Variants in CFLAR observed in about 807,000 individuals in gnomAD.
CFLAR encodes the protein CASP8 and FADD-like apoptosis regulator.
A neutral mutation model predicts 51.1 loss-of-function variants in CFLAR; 14 were observed. That is an observed-to-expected ratio of 0.27 (90% CI 0.18 to 0.43). The LOEUF (loss-of-function observed/expected upper bound fraction) is 0.43, where lower values mean the gene tolerates loss of function less well. Ranked by LOEUF, CFLAR falls within the 20% of genes least tolerant of loss-of-function variation. The pLI is 1.00. For missense variants in CFLAR, 390 were observed against 566.5 expected, an observed-to-expected ratio of 0.69 and a Z score of 3.16; for synonymous variants, 210 against 211.6, an observed-to-expected ratio of 0.99 and a Z score of 0.06.
At position 201,172,575 on chromosome 2, in the gene CFLAR, C is replaced by T. The variant is rs1944083869; in HGVS notation, c.*8602C>T. 6.6e-6 allele frequency: 1 copy of T among 152,186 alleles called. No individual in the cohort carries two copies. Among genetic ancestry groups the T allele is most frequent in the Non-Finnish European group, 1.5e-5 (1 of 68,046 alleles). The allele number at this position is 152,186 out of a possible 1,614,324, so 9.4% of individuals were successfully genotyped here. A position where few individuals can be genotyped will look rare whatever the true frequency, so the allele number is the denominator to read the frequency against. On this transcript the variant is annotated 3_prime_UTR_variant, in exon 10 of 10. Coordinates refer to ENST00000309955, the MANE Select transcript of CFLAR (RefSeq NM_003879.7). ...CCAGTGAGCTGCCACTCTAATCCTC[C>T]TCTTCCCCCAGCCTCTAGAAACAAT... is the stretch of plus-strand genomic sequence containing the variant.
At chr2:201,145,657 C>T (rs1939987476) in intron 6 of CFLAR, 1 of 478,456 alleles carries the variant, frequency 2.1e-6, no homozygotes, top group Non-Finnish European at 3.7e-6. Context: ...GCTTCATCAT[C>T]TTGGCCGTAT....
In CFLAR at chr2:201,136,269, C is replaced by A. The variant is rs1192256608; in HGVS notation, c.523+162C>A. 3 of 1,600,896 alleles carry A rather than the reference C, an allele frequency of 1.9e-6. No individual in the cohort carries two copies. The South Asian group carries it at 3.3e-5, about 18-fold the overall frequency. ...GCTAGAAATCGCGTCCCTTTATATT[C>A]TTCATATCCCAGATCTGCCAACTCC... is the stretch of plus-strand genomic sequence containing the variant. On this transcript the variant is annotated intron_variant, in intron 4 of 9. Coordinates refer to ENST00000309955, the MANE Select transcript of CFLAR (RefSeq NM_003879.7).
intron 9 of CFLAR, 104 bp from the exon 10 acceptor site, chr2:201,163,731 C>T: frequency 6.6e-7 from 1 of 1,510,340 alleles, no homozygotes; most frequent in Non-Finnish European, 8.8e-7. Flanking sequence ...CAGAAAGGAA[C>T]AGTTTCAAAG....
At chr2:201,161,022 A>T (rs1199599068) in intron 9 of CFLAR, 80 bp downstream of exon 9, 1 of 974,966 alleles carries the variant, frequency 1.0e-6, no homozygotes. Flanking sequence ...ACTGTGCCAC[A>T]TTTGCTGCCC....
chr2:201,159,176 T>C (rs761715050), intron 8 of CFLAR, among the ~76,000 whole-genome samples: 44 of 151,150 alleles, frequency 2.9e-4, no homozygotes, highest in Non-Finnish European at 5.3e-4. Flanking sequence ...CTGGGGCTGG[T>C]TGCCCTCACT....
At chr2:201,126,901 A>G (rs2048767758) in intron 1 of CFLAR, among the ~76,000 whole-genome samples, 1 of 152,236 alleles carries the variant, frequency 6.6e-6, no homozygotes, top group African/African-American at 2.4e-5. Context: ...ATAATTGGCG[A>G]TAGTCTCTTG....
At chr2:201,143,181 A>G (rs1939343861) in intron 5 of CFLAR, among the ~76,000 whole-genome samples, 1 of 152,134 alleles carries the variant, frequency 6.6e-6, no homozygotes, top group Non-Finnish European at 1.5e-5. Context: ...AACTTTCTAT[A>G]TTTAATATGT....
chr2:201,145,813 G>C (rs1329554576), intron 6 of CFLAR: 1 of 171,796 alleles, frequency 5.8e-6, no homozygotes, highest in Non-Finnish European at 1.2e-5. Flanking sequence ...TTGTCTTACA[G>C]CCTATTTAAT....
rs1415636586 is a variant in CFLAR at position 201,176,288 on chromosome 2, GGGC to G, written c.*12318_*12320del. On this transcript the variant is annotated 3_prime_UTR_variant, in exon 10 of 10. Transcript: ENST00000309955. ...AGGTGTTTTCTATTGCGGGGGGGGG[GGGC>G]GGGCGGGGGAGCTGCCTGTCCCTGG... 3.5e-4 allele frequency: 41 copies of G among 117,634 alleles called. 2 individuals carry two copies. Among genetic ancestry groups the G allele is most frequent in the African/African-American group, 7.7e-4 (21 of 27,412 alleles). 7.3% of individuals were successfully genotyped at this position (117,634 alleles called of 1,614,324 possible). A position where few individuals can be genotyped will look rare whatever the true frequency, so the allele number is the denominator to read the frequency against.
At chr2:201,134,842 A>G (rs2049891083) in intron 3 of CFLAR, among the ~76,000 whole-genome samples, 1 of 152,110 alleles carries the variant, frequency 6.6e-6, no homozygotes, top group South Asian at 2.1e-4. Flanking sequence ...CAGATAAGTC[A>G]TTGCTTGAGA....
intron 4 of CFLAR, chr2:201,139,195 T>A (rs991807118): frequency 5.4e-6 from 2 of 368,292 alleles, no homozygotes; most frequent in Admixed American, 7.7e-5. Flanking sequence ...GATTAAGGGC[T>A]GTGCAAGATG....
At chr2:201,119,743 G>A (rs2047983653) in intron 1 of CFLAR, among the ~76,000 whole-genome samples, 1 of 151,402 alleles carries the variant, frequency 6.6e-6, no homozygotes, top group African/African-American at 2.4e-5. Context: ...CTTCAGTCAA[G>A]TTGTATTATA....
rs1943623358 is a variant in CFLAR, at chr2:201,166,742, A to T, written c.*2769A>T. Reference sequence around the variant, plus strand: ...CACCTCGGGAGGCCGAGGCTGGCAGATCACTCGCAGTCAGGAGCTGGAGAC... The same window carrying T: ...CACCTCGGGAGGCCGAGGCTGGCAGTTCACTCGCAGTCAGGAGCTGGAGAC... On this transcript the variant is annotated 3_prime_UTR_variant, in exon 10 of 10. Transcript: ENST00000309955. 6.0e-6 allele frequency: 1 copy of T among 166,936 alleles called. No homozygotes were observed. Among genetic ancestry groups the T allele is most frequent in the Admixed American group, 6.5e-5 (1 of 15,464 alleles). The allele number at this position is 166,936 out of a possible 1,614,324, so 10.3% of individuals were successfully genotyped here.
chr2:201,141,684 A>C, intron 5 of CFLAR: 1 of 1,154,122 alleles, frequency 8.7e-7, no homozygotes, highest in Non-Finnish European at 1.1e-6. Flanking sequence ...AAGATTTTTG[A>C]GGGTGTTCAT....
At chr2:201,125,082 T>G (rs1486645413) in intron 1 of CFLAR, among the ~76,000 whole-genome samples, 1 of 152,164 alleles carries the variant, frequency 6.6e-6, no homozygotes, top group Non-Finnish European at 1.5e-5. Flanking sequence ...TAGATAATAT[T>G]TTAATGCAAT....
chr2:201,140,484 C>CT, intron 5 of CFLAR, 45 bp downstream of exon 5: 1 of 1,436,232 alleles, frequency 7.0e-7, no homozygotes, highest in Non-Finnish European at 9.5e-7. Context: ...GAAACCGTTT[C>CT]AGAGTTCTAA....
At chr2:201,163,664 C>G in intron 9 of CFLAR, 171 bp from the exon 10 acceptor site, 1 of 1,403,192 alleles carries the variant, frequency 7.1e-7, no homozygotes, top group East Asian at 2.6e-5. Context: ...TGGTGGCCAT[C>G]AGGCCAGAGT....
Position 201,164,649 on chromosome 2 carries a change from T to C in CFLAR, c.*676T>C, listed in dbSNP as rs1157664347. Reference sequence around the variant, plus strand: ...GGATGGTCTGCCTTTCCCAGTCCACTGACTCAAATGTTAAATCTCCTTTGG... The same window carrying C: ...GGATGGTCTGCCTTTCCCAGTCCACCGACTCAAATGTTAAATCTCCTTTGG... On this transcript the variant is annotated 3_prime_UTR_variant, in exon 10 of 10. Transcript: ENST00000309955. 1 of 152,218 alleles carries C rather than the reference T, an allele frequency of 6.6e-6. No individual in the cohort carries two copies. Among genetic ancestry groups the C allele is most frequent in the East Asian group, 1.9e-4 (1 of 5,198 alleles). 9.4% of individuals were successfully genotyped at this position (152,218 alleles called of 1,614,324 possible).
In CFLAR at chr2:201,138,491, T is replaced by G; in HGVS notation, c.524-1866T>G. The G allele has an allele frequency of 8.4e-7, 1 of 1,195,706 alleles. No homozygotes were observed. Among genetic ancestry groups the G allele is most frequent in the Non-Finnish European group, 1.2e-6 (1 of 808,972 alleles). The allele number at this position is 1,195,706 out of a possible 1,614,324, so 74.1% of individuals were successfully genotyped here. A position where few individuals can be genotyped will look rare whatever the true frequency, so the allele number is the denominator to read the frequency against. Reference sequence around the variant, plus strand: ...TTTGCCTCTTTCAACCTCACACTGCTGGAGCCACCACTAGCTTGATCCTTG... The same window carrying G: ...TTTGCCTCTTTCAACCTCACACTGCGGGAGCCACCACTAGCTTGATCCTTG... On this transcript the variant is annotated intron_variant, in intron 4 of 9. Coordinates refer to ENST00000309955, the MANE Select transcript of CFLAR (RefSeq NM_003879.7). The surrounding 1 kb of genome is among the most constrained non-coding windows in gnomAD (Gnocchi z 4.0).
Sources: allele counts gnomAD v4.1 joint callset (sites outside exome capture counted in the v4.1 genomes callset), GRCh38; gene constraint gnomAD v4.1.1; non-coding constraint Gnocchi (gnomAD v3.1); transcripts MANE v1.5; gene names NCBI Gene and HGNC (gene_info 2026-07-23, HGNC 2026-07-21).